The following ANKS1B variants were observed in gnomAD, a reference collection of about 807,000 sequenced individuals.
ANKS1B encodes the protein ankyrin repeat and sterile alpha motif domain containing 1B.
A neutral mutation model predicts 148.3 loss-of-function variants in ANKS1B; 36 were observed. That is an observed-to-expected ratio of 0.24 (90% confidence interval 0.19 to 0.32). ANKS1B has a LOEUF of 0.32. Among genes scored for constraint, ANKS1B ranks in the 10% least tolerant of loss-of-function variants. ANKS1B has a pLI of 1.00. For missense variants in ANKS1B, 1,157 were observed against 1,542.6 expected (o/e 0.75, Z 4.19); for synonymous variants, 542 against 560.8 (o/e 0.97, Z 0.47).
At chr12:99,777,472 A>T (rs748579857) in intron 6 of ANKS1B, among the ~76,000 whole-genome samples, 2 of 152,212 alleles carry the variant, frequency 1.3e-5, no homozygotes, top group African/African-American at 2.4e-5. Context: ...GTATGTTTTT[A>T]AAAAGTCCAT....
intron 12 of ANKS1B, among the ~76,000 whole-genome samples, chr12:99,275,189 T>G (rs896828390): frequency 3.9e-5 from 6 of 152,268 alleles, no homozygotes; most frequent in Non-Finnish European, 7.3e-5. Flanking sequence ...ATCCATTCTT[T>G]GTTTTATAAA....
chr12:99,565,235 G>T (rs1210816326), intron 9 of ANKS1B, among the ~76,000 whole-genome samples: 1 of 152,176 alleles, frequency 6.6e-6, no homozygotes, highest in East Asian at 1.9e-4. Context: ...GGACATAGTG[G>T]TAAATAATAT....
At chr12:98,759,651 T>A (rs1186551744) in intron 25 of ANKS1B, among the ~76,000 whole-genome samples, 1 of 152,206 alleles carries the variant, frequency 6.6e-6, no homozygotes. Flanking sequence ...GGTTCACTGA[T>A]ACATGTGCAA....
chr12:98,799,782 A>G (rs997720039), intron 21 of ANKS1B, among the ~76,000 whole-genome samples: 1 of 151,952 alleles, frequency 6.6e-6, no homozygotes, highest in African/African-American at 2.4e-5. Flanking sequence ...CTTTCTATCA[A>G]TTGACTCCCC....
intron 17 of ANKS1B, among the ~76,000 whole-genome samples, chr12:99,006,442 G>C (rs2099936202): frequency 6.6e-6 from 1 of 152,150 alleles, no homozygotes; most frequent in Non-Finnish European, 1.5e-5. Flanking sequence ...ATATGCACAA[G>C]AGACTTATTA....
intron 15 of ANKS1B, among the ~76,000 whole-genome samples, chr12:99,131,967 T>C (rs1270849554): frequency 1.3e-5 from 2 of 152,170 alleles, no homozygotes; most frequent in African/African-American, 4.8e-5. Context: ...GGTTGGTGTC[T>C]GATGCTCTGT....
At chr12:99,891,022 T>G (rs2153747770) in intron 1 of ANKS1B, among the ~76,000 whole-genome samples, 1 of 152,348 alleles carries the variant, frequency 6.6e-6, no homozygotes, top group Admixed American at 6.5e-5. Flanking sequence ...GACATTACAC[T>G]TAAGTGGAAT....
At chr12:99,652,900 G>A (rs962307598) in intron 9 of ANKS1B, among the ~76,000 whole-genome samples, 2 of 152,124 alleles carry the variant, frequency 1.3e-5, no homozygotes, top group Non-Finnish European at 2.9e-5. Context: ...TGAAATTTAT[G>A]TTAAAAGGAG....
chr12:99,028,416 G>A (rs10860386), intron 17 of ANKS1B, among the ~76,000 whole-genome samples: 76,415 of 152,006 alleles, frequency 0.5, 21,079 homozygotes, highest in East Asian at 0.71. Flanking sequence ...CAGCTATAGC[G>A]TCAAAGGACA....
intron 12 of ANKS1B, among the ~76,000 whole-genome samples, chr12:99,318,666 C>G (rs763278854): frequency 1.4e-4 from 21 of 151,700 alleles, no homozygotes; most frequent in Non-Finnish European, 2.9e-4. Flanking sequence ...ATGTCTCTAT[C>G]TCCTTCAGTT....
intron 8 of ANKS1B, among the ~76,000 whole-genome samples, chr12:99,760,917 C>T (rs565725866): frequency 6.6e-6 from 1 of 150,772 alleles, no homozygotes; most frequent in East Asian, 1.9e-4. Context: ...TGATGAACAC[C>T]ATATATATAC....
rs11109809 is a variant in ANKS1B, at chr12:99,360,935, G to T, written c.1756+38696C>A. 1.0e-3 allele frequency among the ~76,000 whole-genome samples: 159 copies of T among 152,168 alleles called. 1 individual carries two copies. The East Asian group carries it at 0.026, about 25-fold the overall frequency. On this transcript the variant is annotated intron_variant, in intron 12 of 26. Coordinates refer to ENST00000683438, the MANE Select transcript of ANKS1B (RefSeq NM_001352186.2). ...ATTGAACTCATGCATATAAAGACTA[G>T]AAGGATGGTTACCAGAGGCTGGGAA...
chr12:99,675,245 T>C (rs2098556960), intron 8 of ANKS1B, among the ~76,000 whole-genome samples: 1 of 152,036 alleles, frequency 6.6e-6, no homozygotes, highest in South Asian at 2.1e-4. Context: ...AGAATAAATG[T>C]TATATGTATG....
intron 14 of ANKS1B, among the ~76,000 whole-genome samples, chr12:99,187,009 G>T (rs541328704): frequency 6.6e-6 from 1 of 151,946 alleles, no homozygotes; most frequent in African/African-American, 2.4e-5. Flanking sequence ...TGATGGAGCT[G>T]AAAAACACAG....
chr12:99,247,913 A>T (rs1265366937), intron 12 of ANKS1B, among the ~76,000 whole-genome samples: 1 of 152,218 alleles, frequency 6.6e-6, no homozygotes, highest in Non-Finnish European at 1.5e-5. Flanking sequence ...GTACATAATG[A>T]CAACAAATCC....
intron 17 of ANKS1B, among the ~76,000 whole-genome samples, chr12:98,903,006 C>A (rs970380483): frequency 6.6e-6 from 1 of 151,936 alleles, no homozygotes; most frequent in Non-Finnish European, 1.5e-5. Context: ...TTATTTTTTT[C>A]TCTACAGGAT....
chr12:99,494,000 G>A (rs561587432), intron 10 of ANKS1B, among the ~76,000 whole-genome samples: 1 of 152,176 alleles, frequency 6.6e-6, no homozygotes, highest in South Asian at 2.1e-4. Flanking sequence ...CGAGCCTTGA[G>A]GAACTCTCAA....
chr12:99,705,881 G>C (rs1454009937), intron 8 of ANKS1B, among the ~76,000 whole-genome samples: 1 of 152,008 alleles, frequency 6.6e-6, no homozygotes, highest in Non-Finnish European at 1.5e-5. Context: ...AAGAAAAGAT[G>C]AATCTGGAAT....
chr12:99,460,466 G>A (rs555111486), intron 10 of ANKS1B, among the ~76,000 whole-genome samples: 1 of 152,176 alleles, frequency 6.6e-6, no homozygotes, highest in East Asian at 1.9e-4. Context: ...ATAATCAGCA[G>A]AGTAAACAGA....
Sources: allele counts gnomAD v4.1 joint callset (sites outside exome capture counted in the v4.1 genomes callset), GRCh38; gene constraint gnomAD v4.1.1; transcripts MANE v1.5; gene names NCBI Gene and HGNC (gene_info 2026-07-23, HGNC 2026-07-21).